FAT3: variants seen among roughly 807,000 people sequenced by gnomAD.
The protein encoded by FAT3 is FAT atypical cadherin 3.
In FAT3, 95 loss-of-function variants were observed where a neutral mutation model predicts 310.2. The observed-to-expected ratio is 0.31, with a 90% CI of 0.26 to 0.36. The LOEUF is 0.36. Ranked by LOEUF, FAT3 falls within the 10% of genes least tolerant of loss-of-function variation. The pLI is 1.00. For synonymous variants in FAT3, 2,314 were observed against 2,192.9 expected, an observed-to-expected ratio of 1.06 and a Z score of -1.54; for missense variants, 5,408 against 5,715.6, an observed-to-expected ratio of 0.95 and a Z score of 1.74.
intron 11 of FAT3, among the ~76,000 whole-genome samples, chr11:92,805,950 T>C (rs7121309): frequency 0.015 from 2,219 of 152,328 alleles, 69 homozygotes; most frequent in African/African-American, 0.051. Context: ...TAATCTCTCA[T>C]ACTAATGCCA....
At chr11:92,832,043 A>C in intron 14 of FAT3, 32 bp downstream of exon 14, 1 of 1,501,988 alleles carries the variant, frequency 6.7e-7, no homozygotes, top group East Asian at 2.5e-5. Context: ...TAGAATACAG[A>C]GCTTCAGCTT....
chr11:92,682,352 A>G (rs1943504264), intron 3 of FAT3, among the ~76,000 whole-genome samples: 1 of 152,252 alleles, frequency 6.6e-6, no homozygotes. Context: ...GTGAGTTTTT[A>G]GAAGCATGTG....
intron 3 of FAT3, among the ~76,000 whole-genome samples, chr11:92,661,010 A>T (rs3847523): frequency 0.26 from 40,111 of 152,128 alleles, 5,976 homozygotes; most frequent in Non-Finnish European, 0.33. Context: ...CTACCTCTAC[A>T]TCTACACATA....
rs554808614 is a variant in FAT3 at position 92,297,105 on chromosome 11, TG to T, written c.-17-54989del. Among the ~76,000 whole-genome samples, 289 of 152,234 alleles carry T rather than the reference TG, an allele frequency of 1.9e-3. 2 individuals are homozygous for T. The highest frequency in any genetic ancestry group is 0.018 in the South Asian group (86 of 4,824). ...GAGAAGGAACAACTGAAGAATTAGA[TG>T]GTTCACAGCCCTGGAATATTGTAGT... is the stretch of plus-strand genomic sequence containing the variant. On this transcript the variant is annotated intron_variant, in intron 1 of 27. Coordinates refer to ENST00000525166, the MANE Select transcript of FAT3 (RefSeq NM_001367949.2).
intron 2 of FAT3, among the ~76,000 whole-genome samples, chr11:92,515,471 C>T (rs190023281): frequency 3.3e-4 from 50 of 152,186 alleles, no homozygotes; most frequent in African/African-American, 1.1e-3. Flanking sequence ...AGTAATGACA[C>T]TTCTCTATCA....
intron 2 of FAT3, among the ~76,000 whole-genome samples, chr11:92,394,274 G>C (rs1307698462): frequency 1.3e-5 from 2 of 152,092 alleles, no homozygotes; most frequent in Non-Finnish European, 2.9e-5. Context: ...TTAGAGACCA[G>C]CCTGGGCAAC....
intron 3 of FAT3, among the ~76,000 whole-genome samples, chr11:92,639,513 C>T (rs1941882461): frequency 6.6e-6 from 1 of 152,108 alleles, no homozygotes; most frequent in African/African-American, 2.4e-5. Flanking sequence ...TCTCTCCTCC[C>T]CCATGCCCCA....
intron 1 of FAT3, among the ~76,000 whole-genome samples, chr11:92,276,552 C>G (rs1946277253): frequency 6.6e-6 from 1 of 152,088 alleles, no homozygotes; most frequent in Non-Finnish European, 1.5e-5. Flanking sequence ...ATTCGTGACA[C>G]TAGGTTTAAA....
rs528703168 is a variant in FAT3, at chr11:92,326,715, G to A, written c.-17-25381G>A. ...ACTCTGCTGGGACCAGGCGCAGCCC[G>A]CTAGTGTATTTTCCTTGTACAGTCT... On this transcript the variant is annotated intron_variant, in intron 1 of 27. Transcript: ENST00000525166. Among the ~76,000 whole-genome samples the A allele has an allele frequency of 3.8e-4, 58 of 152,298 alleles. No individual in the cohort carries two copies. In the South Asian group the frequency reaches 8.3e-3, roughly 22 times the overall value.
chr11:92,225,236 C>T (rs1434414918), intron 1 of FAT3, among the ~76,000 whole-genome samples, 62 bp downstream of exon 1: 9 of 152,178 alleles, frequency 5.9e-5, no homozygotes, highest in Admixed American at 3.9e-4. Flanking sequence ...AGCGCGCCTG[C>T]CGGAGCACAG....
chr11:92,340,348 G>C (rs1457498504), intron 1 of FAT3, among the ~76,000 whole-genome samples: 3 of 152,080 alleles, frequency 2.0e-5, no homozygotes, highest in Non-Finnish European at 4.4e-5. Context: ...CTGTAGGGTT[G>C]CTGTCATCTT....
Position 92,774,286 on chromosome 11 carries a change from G to A in FAT3, c.4335+106G>A, listed in dbSNP as rs560143917. On this transcript the variant is annotated intron_variant, in intron 7 of 27. Transcript: ENST00000525166. ...AATGGAAGTAGTAAATTATGTCGAC[G>A]GTTTTCTAGTGTTTAAAAAAATCAT... 28 of 1,211,300 alleles carry A rather than the reference G, an allele frequency of 2.3e-5. No individual in the cohort carries two copies. The African/African-American group carries it at 3.4e-4, about 15-fold the overall frequency. 75.0% of individuals were successfully genotyped at this position (1,211,300 alleles called of 1,614,324 possible).
intron 2 of FAT3, among the ~76,000 whole-genome samples, chr11:92,359,510 G>C (rs1948823069): frequency 6.6e-6 from 1 of 151,384 alleles, no homozygotes; most frequent in Non-Finnish European, 1.5e-5. Flanking sequence ...TTAAGTTTTA[G>C]GGTACATGTG....
intron 4 of FAT3, among the ~76,000 whole-genome samples, chr11:92,718,402 C>G (rs1944754536): frequency 6.6e-6 from 1 of 152,050 alleles, no homozygotes; most frequent in African/African-American, 2.4e-5. Context: ...GGTTCCTGCG[C>G]TCAAGCTGGG....
chr11:92,460,780 G>A (rs1330611584), intron 2 of FAT3, among the ~76,000 whole-genome samples: 1 of 152,134 alleles, frequency 6.6e-6, no homozygotes, highest in Non-Finnish European at 1.5e-5. Flanking sequence ...TATATGTTAT[G>A]GACATTGTAT....
intron 6 of FAT3, among the ~76,000 whole-genome samples, chr11:92,769,204 A>G (rs1946399725): frequency 6.6e-6 from 1 of 152,188 alleles, no homozygotes; most frequent in Non-Finnish European, 1.5e-5. Flanking sequence ...ATGCAGTGAG[A>G]CTTTTCAGCT....
intron 1 of FAT3, among the ~76,000 whole-genome samples, chr11:92,270,509 T>C (rs1051301436): frequency 2.7e-5 from 4 of 150,236 alleles, no homozygotes; most frequent in Admixed American, 6.6e-5. Flanking sequence ...TGAAACCTCG[T>C]CTCTAATAAA....
intron 2 of FAT3, among the ~76,000 whole-genome samples, chr11:92,410,947 A>T (rs1950243982): frequency 6.6e-6 from 1 of 151,222 alleles, no homozygotes; most frequent in Non-Finnish European, 1.5e-5. Context: ...TTTATTTTGA[A>T]CATTAGGTAC....
intron 1 of FAT3, among the ~76,000 whole-genome samples, chr11:92,332,885 A>G (rs1250951903): frequency 6.6e-6 from 1 of 151,936 alleles, no homozygotes; most frequent in Non-Finnish European, 1.5e-5. Context: ...TCCTTGCTTT[A>G]TAGTATTTGC....
Sources: gnomAD v4.1 joint callset for allele counts (sites outside exome capture counted in the v4.1 genomes callset) on GRCh38, gnomAD v4.1.1 for gene constraint, MANE v1.5 for transcripts, NCBI Gene and HGNC (gene_info 2026-07-23, HGNC 2026-07-21) for gene names.